The following NOL9 variants were observed in gnomAD, a reference collection of about 807,000 sequenced individuals.
NOL9 encodes nucleolar protein 9, also known as polynucleotide 5'-hydroxyl-kinase NOL9.
NOL9 carries 28 observed loss-of-function variants against 67.9 expected under a neutral mutation model. The ratio of observed to expected loss-of-function variants is 0.41; its 90% CI spans 0.31 to 0.57. The LOEUF is 0.57. Ranked by LOEUF, NOL9 falls within the 20% of genes least tolerant of loss-of-function variation. NOL9 has a pLI of 0.25. For synonymous variants in NOL9, 356 were observed against 352.2 expected, an observed-to-expected ratio of 1.01 and a Z score of -0.12; for missense variants, 777 against 897.0, an observed-to-expected ratio of 0.87 and a Z score of 1.71.
intron 6 of NOL9, among the ~76,000 whole-genome samples, chr1:6,538,981 C>T (rs4908909): frequency 0.82 from 124,428 of 152,110 alleles, 51,747 homozygotes; most frequent in Non-Finnish European, 0.89. Flanking sequence ...CAGAAACAAA[C>T]GAACAAAAAA....
chr1:6,539,947 T>C (rs957343295), intron 6 of NOL9, among the ~76,000 whole-genome samples: 2 of 152,246 alleles, frequency 1.3e-5, no homozygotes, highest in Admixed American at 1.3e-4. Context: ...CTCTAGGGGC[T>C]AGGAAAGAGG....
At position 6,525,740 on chromosome 1, in the gene NOL9, G is replaced by T; in HGVS notation, c.*114C>A. ...ATTCACGAATTACACAAAAAACACT[G>T]TTGCTAATAAGGGCACCATTCATGG... On this transcript the variant is annotated 3_prime_UTR_variant, in exon 12 of 12. Coordinates refer to ENST00000377705, the MANE Select transcript of NOL9 (RefSeq NM_024654.5). 9.3e-7 allele frequency: 1 copy of T among 1,069,680 alleles called. No individual in the cohort carries two copies. Among genetic ancestry groups the T allele is most frequent in the Non-Finnish European group, 1.4e-6 (1 of 716,412 alleles). The allele number at this position is 1,069,680 out of a possible 1,614,324, so 66.3% of individuals were successfully genotyped here.
intron 5 of NOL9, among the ~76,000 whole-genome samples, chr1:6,543,372 T>A (rs2148659017): frequency 6.6e-6 from 1 of 152,264 alleles, no homozygotes; most frequent in South Asian, 2.1e-4. Context: ...ATGTTTTGTA[T>A]TTTTAGTAGA....
In NOL9 at chr1:6,549,654, T is replaced by A. The variant is rs368062330; in HGVS notation, c.661A>T (p.Ile221Phe). 6.2e-7 allele frequency: 1 copy of A among 1,614,130 alleles called. No individual in the cohort carries two copies. The highest frequency in any genetic ancestry group is 1.1e-5 in the South Asian group (1 of 91,090). The change falls in exon 3 of 12, where the codon ATT becomes TTT. Residue 221 changes from isoleucine to phenylalanine, a missense_variant. Around this residue, in one of 2 missense-constraint regions of NOL9, gnomAD observed 364 missense variants for 344.4 expected, o/e 1.06. Coordinates refer to ENST00000377705, the MANE Select transcript of NOL9 (RefSeq NM_024654.5). The part of the protein sequence containing the change: ...SMQNFSPQCS[I>F]VLLEHLKTAT... ...GTTTTCAGATGTTCTAGCAACACAA[T>A]GGAACACTGAGGAGAAAAATTCTGC...
At chr1:6,553,821 G>A (rs1639598237) in intron 1 of NOL9, among the ~76,000 whole-genome samples, 1 of 148,876 alleles carries the variant, frequency 6.7e-6, no homozygotes, top group Non-Finnish European at 1.5e-5. Context: ...CAGCCTGGGG[G>A]ACAGAGTGAG....
At chr1:6,548,607 G>C in intron 3 of NOL9, 1 of 378,870 alleles carries the variant, frequency 2.6e-6, no homozygotes, top group Non-Finnish European at 5.2e-6. Flanking sequence ...CAAGCACAGA[G>C]TCAGAAAGCT....
Position 6,544,942 on chromosome 1 carries a change from T to C in NOL9, c.881-20A>G. ...CTTCTTCTGAATGGGAAACAAACATTGATCGCTAGAATTAGCCGTCTTCCT... is the reference window on the plus strand; with the variant it reads ...CTTCTTCTGAATGGGAAACAAACATCGATCGCTAGAATTAGCCGTCTTCCT... On this transcript the variant is annotated intron_variant, in intron 4 of 11. Coordinates refer to ENST00000377705, the MANE Select transcript of NOL9 (RefSeq NM_024654.5). 1 of 1,614,144 alleles carries C rather than the reference T, an allele frequency of 6.2e-7. No homozygotes were observed. Among genetic ancestry groups the C allele is most frequent in the South Asian group, 1.1e-5 (1 of 91,082 alleles).
At chr1:6,543,072 T>C (rs988370848) in intron 5 of NOL9, among the ~76,000 whole-genome samples, 2 of 151,872 alleles carry the variant, frequency 1.3e-5, no homozygotes, top group African/African-American at 4.8e-5. Context: ...TTCTAAATTT[T>C]TTGTAGAGAC....
chr1:6,532,330 C>T (rs559927666), intron 8 of NOL9, 133 bp downstream of exon 8: 3 of 859,312 alleles, frequency 3.5e-6, no homozygotes, highest in East Asian at 5.1e-5. Flanking sequence ...ACAACTGGTT[C>T]GTCTTTGTGC....
chr1:6,541,345 C>T (rs1639286810), intron 6 of NOL9, among the ~76,000 whole-genome samples: 1 of 152,114 alleles, frequency 6.6e-6, no homozygotes, highest in Admixed American at 6.6e-5. Flanking sequence ...CCATGCCCAG[C>T]TAATTTTTGT....
At position 6,527,260 on chromosome 1, in the gene NOL9, AT is replaced by A; in HGVS notation, c.1826-432del. The stretch of plus-strand genomic sequence containing the variant: ...AGACTGTCTCAAAAAAAAAAAAAAA[AT>A]ACAAAGAGTCAAGAGATGGAGTCCT... On this transcript the variant is annotated intron_variant, in intron 10 of 11. Coordinates refer to ENST00000377705, the MANE Select transcript of NOL9 (RefSeq NM_024654.5). 4.1e-5 allele frequency among the ~76,000 whole-genome samples: 2 copies of A among 49,020 alleles called. 1 individual carries two copies. The highest frequency in any genetic ancestry group is 1.5e-4 in the Non-Finnish European group (2 of 13,528). The allele number at this position is 49,020 out of a possible 152,430, so 32.2% of individuals were successfully genotyped here. A position where few individuals can be genotyped will look rare whatever the true frequency, so the allele number is the denominator to read the frequency against.
rs200579753 is a variant in NOL9, at chr1:6,529,126, C to T, written c.1693G>A (p.Ala565Thr). Residue 565 changes from alanine (A) to threonine (T), a missense_variant, in exon 10 of 12, where the codon GCC (alanine) becomes ACC (threonine). By Grantham distance (58) the Ala-to-Thr change is moderately conservative (BLOSUM62 0). This residue lies in a region of NOL9 where 413 missense variants were observed against 552.6 expected (regional missense o/e 0.75). Coordinates refer to ENST00000377705, the MANE Select transcript of NOL9 (RefSeq NM_024654.5). Reference protein sequence around the residue: ...VALRITHSDVAPTHILYAVNA... With the variant: ...VALRITHSDVTPTHILYAVNA... ...ACAGCATATAGTATATGGGTAGGGGCGACATCAGAGTGGGTAATCCGGAGT... is the reference window on the plus strand; with the variant it reads ...ACAGCATATAGTATATGGGTAGGGGTGACATCAGAGTGGGTAATCCGGAGT... The T allele has an allele frequency of 6.2e-7, 1 of 1,613,858 alleles. No individual in the cohort carries two copies. Among genetic ancestry groups the T allele is most frequent in the Non-Finnish European group, 8.5e-7 (1 of 1,179,928 alleles).
chr1:6,545,710 G>GCCTATGAGCACA (rs70981384), intron 3 of NOL9, among the ~76,000 whole-genome samples: 1 of 151,982 alleles, frequency 6.6e-6, no homozygotes, highest in Non-Finnish European at 1.5e-5. Context: ...GAAGGGCCCC[G>GCCTATGAGCACA]TCCTCTTGCA....
chr1:6,538,383 C>G (rs1424994735), intron 6 of NOL9, among the ~76,000 whole-genome samples: 1 of 152,052 alleles, frequency 6.6e-6, no homozygotes, highest in African/African-American at 2.4e-5. Flanking sequence ...CAAAAACATG[C>G]AGGCTGGGAC....
At chr1:6,533,890 CTT>C (rs571588894) in intron 6 of NOL9, among the ~76,000 whole-genome samples, 17 of 141,604 alleles carry the variant, frequency 1.2e-4, no homozygotes, top group Admixed American at 2.1e-4. Flanking sequence ...AATTTTCTTT[CTT>C]TTTTTTTTTT....
chr1:6,532,595 C>T lies in NOL9; in HGVS notation c.1403G>A (p.Arg468His), dbSNP rs147828763. The change falls in exon 8 of 12, where the codon CGT becomes CAT. Residue 468 changes from arginine to histidine, a missense_variant. Transcript: ENST00000377705. ...ATCTGCAAATGCTGCGAGTCTGAAACGTCGATTTCTCATCTTGGTCTTGCT... is the reference window on the plus strand; with the variant it reads ...ATCTGCAAATGCTGCGAGTCTGAAATGTCGATTTCTCATCTTGGTCTTGCT... The part of the protein sequence containing the change: ...TKSKTKMRNR[R>H]FRLAAFADAL... 4.0e-5 allele frequency: 65 copies of T among 1,614,052 alleles called. No homozygotes were observed. The highest frequency in any genetic ancestry group is 1.6e-4 in the Middle Eastern group (1 of 6,084).
chr1:6,530,126 C>CA (rs981642472), intron 9 of NOL9, among the ~76,000 whole-genome samples: 17 of 147,970 alleles, frequency 1.1e-4, no homozygotes, highest in South Asian at 2.2e-4. Context: ...ACTCTGTCTC[C>CA]AAAAAAAAAG....
Position 6,523,869 on chromosome 1 carries a change from C to T in NOL9, c.*1985G>A, listed in dbSNP as rs907448742. The T allele has an allele frequency of 2.6e-5, 4 of 152,144 alleles. No individual in the cohort carries two copies. The highest frequency in any genetic ancestry group is 9.7e-5 in the African/African-American group (4 of 41,420). 9.4% of individuals were successfully genotyped at this position (152,144 alleles called of 1,614,324 possible). ...AAAAAGACTTGACCTTCATACAGGC[C>T]GCATTTAAAGCCTGAAGGCAAACCT... On this transcript the variant is annotated 3_prime_UTR_variant, in exon 12 of 12. Transcript: ENST00000377705.
chr1:6,526,764 C>A lies in NOL9; in HGVS notation c.1891G>T (p.Glu631Ter). ...AGCAGACAATTCACGGTCCTTAGCT[C>A]TTCCGGGGGCACAGGGGTGAGGATG... ...YHILTPVPPE[E>*]LRTVNCLLVG... Residue 631 changes from glutamate to a stop codon, truncating the protein, a stop_gained, in exon 11 of 12, where the codon GAG becomes TAG. Coordinates refer to ENST00000377705, the MANE Select transcript of NOL9 (RefSeq NM_024654.5). LOFTEE classifies it high-confidence loss of function. 1 of 1,613,996 alleles carries A rather than the reference C, an allele frequency of 6.2e-7. No homozygotes were observed. The highest frequency in any genetic ancestry group is 8.5e-7 in the Non-Finnish European group (1 of 1,179,928).
Sources: gnomAD v4.1 joint callset for allele counts (sites outside exome capture counted in the v4.1 genomes callset) on GRCh38, gnomAD v4.1.1 for gene constraint, gnomAD v4.1.1 regional missense constraint, MANE v1.5 for transcripts, NCBI Gene and HGNC (gene_info 2026-07-23, HGNC 2026-07-21) for gene names.